The following BTK variants were observed in gnomAD, a reference collection of about 807,000 sequenced individuals.
BTK encodes the protein Bruton tyrosine kinase.
BTK carries 5 observed loss-of-function variants against 57.4 expected under a neutral mutation model. That is an observed-to-expected ratio of 0.09 (90% CI 0.05 to 0.18). The LOEUF is 0.18. BTK is among the 10% of genes least tolerant of loss of function. The probability of loss-of-function intolerance (pLI) is 1.00; values close to 1 mark genes in which losing one functional copy is unlikely to be tolerated. For synonymous variants in BTK, 154 were observed against 174.3 expected (o/e 0.88, Z 0.92); for missense variants, 194 against 501.2 (o/e 0.39, Z 5.85).
chrX:101,369,668 T>C (rs1271369015), intron 5 of BTK, among the ~76,000 whole-genome samples: 1 of 111,645 alleles, frequency 9.0e-6, no homozygotes, highest in Non-Finnish European at 1.9e-5. Context: ...ATATTTTATC[T>C]TTTATTCATA....
chrX:101,363,754 T>C (rs782619625), intron 5 of BTK, among the ~76,000 whole-genome samples: 3 of 106,118 alleles, frequency 2.8e-5, no homozygotes, highest in African/African-American at 1.0e-4. Flanking sequence ...TAGTGTCAGA[T>C]AACTGAGAGA....
In BTK at chrX:101,349,943, C is replaced by T. The variant is rs1926220192; in HGVS notation, c.1922G>A (p.Arg641His). Residue 641 changes from arginine (R) to histidine (H), a missense_variant, in exon 19 of 19, where the codon CGT (arginine) becomes CAT (histidine). Transcript: ENST00000308731. The stretch of plus-strand genomic sequence containing the variant: ...GCTCAGAAGAATTTTGAAAGTGGGA[C>T]GCTCATCTGCTTTCTAAAACCAAAG... ...YSCWHEKADERPTFKILLSNI... is the reference protein window; with the variant it reads ...YSCWHEKADEHPTFKILLSNI... 8.3e-7 allele frequency: 1 copy of T among 1,205,336 alleles called. No homozygotes were observed. The highest frequency in any genetic ancestry group is 1.1e-6 in the Non-Finnish European group (1 of 890,071).
rs781798404 is a variant in BTK at position 101,357,479 on chromosome X, C to A, written c.1177+30G>T. 20 of 1,195,387 alleles carry A rather than the reference C, an allele frequency of 1.7e-5. 1 individual carries two copies. The South Asian group carries it at 3.5e-4, about 21-fold the overall frequency. On this transcript the variant is annotated intron_variant, in intron 13 of 18. Transcript: ENST00000308731. ...AAGGTAGTTTTTGCAACTGGCCAGT[C>A]CACCCTACCCCAGAGAAATAAGGAG...
At chrX:101,374,337 A>C (rs1603019387) in intron 3 of BTK, 199 bp downstream of exon 3, 2 of 449,796 alleles carry the variant, frequency 4.4e-6, no homozygotes, top group East Asian at 7.3e-5. Flanking sequence ...CAAATTTTCC[A>C]TGTTTAGTGA....
At chrX:101,385,358 G>A (rs1007395531) in intron 1 of BTK, among the ~76,000 whole-genome samples, 2 of 112,097 alleles carry the variant, frequency 1.8e-5, no homozygotes, top group Non-Finnish European at 3.8e-5. Flanking sequence ...GGAGGGCAAT[G>A]GTAAGAGGAG....
rs782439521 is a variant in BTK at position 101,383,115 on chromosome X, G to A, written c.-31+2947C>T. 2.7e-5 allele frequency among the ~76,000 whole-genome samples: 3 copies of A among 111,428 alleles called. No individual in the cohort carries two copies. In the East Asian group the frequency reaches 8.4e-4, roughly 31 times the overall value. On this transcript the variant is annotated intron_variant, in intron 1 of 18. Transcript: ENST00000308731. ...ACTCATCCAGAGGCATTAATATATC[G>A]GCATATTCCTTCCATTTTTTTCTGT...
chrX:101,387,657 C>T (rs1257749273), upstream of BTK, among the ~76,000 whole-genome samples: 4 of 110,542 alleles, frequency 3.6e-5, no homozygotes, highest in African/African-American at 1.3e-4. Context: ...CAGCCATCAA[C>T]AGGACTTTAA....
At chrX:101,351,050 C>T (rs1555976975) in intron 18 of BTK, among the ~76,000 whole-genome samples, 1 of 111,884 alleles carries the variant, frequency 8.9e-6, no homozygotes, top group Non-Finnish European at 1.9e-5. Context: ...GGCCAGAGTG[C>T]AGTGGCAGGA....
intron 15 of BTK, among the ~76,000 whole-genome samples, chrX:101,355,407 G>A (rs921358316): frequency 5.4e-5 from 6 of 112,101 alleles, no homozygotes; most frequent in African/African-American, 1.9e-4. Context: ...GAAAGAAACA[G>A]GGGCGCAAAC....
At chrX:101,358,246 A>C in intron 12 of BTK, 64 bp downstream of exon 12, 1 of 1,195,778 alleles carries the variant, frequency 8.4e-7, no homozygotes, top group Non-Finnish European at 1.1e-6. Context: ...TCCTCTTATC[A>C]CCTTGTCCTG....
At chrX:101,357,033 G>A in intron 13 of BTK, 78 bp from the exon 14 acceptor site, 1 of 1,078,104 alleles carries the variant, frequency 9.3e-7, no homozygotes, top group Non-Finnish European at 1.3e-6. Flanking sequence ...CCCTACTGGG[G>A]TAGAAATAGG....
upstream of BTK, chrX:101,390,438 T>A (rs1555983046): frequency 1.9e-6 from 1 of 513,297 alleles, no homozygotes; most frequent in Non-Finnish European, 3.5e-6. Flanking sequence ...AAGTACTTAG[T>A]TCATAATTGC....
chrX:101,352,628 G>A (rs1555977220), intron 18 of BTK, among the ~76,000 whole-genome samples: 1 of 111,940 alleles, frequency 8.9e-6, no homozygotes, highest in Non-Finnish European at 1.9e-5. Context: ...GCCAGGCTCA[G>A]TGGCTCACGC....
chrX:101,358,106 A>G (rs1926547744), intron 12 of BTK: 2 of 569,376 alleles, frequency 3.5e-6, no homozygotes, highest in Admixed American at 4.8e-5. Context: ...ACTGAACATC[A>G]ATCACCAAAT....
chrX:101,349,697 G>T lies in BTK; in HGVS notation c.*188C>A. ...AAATTTCAGGCACAATAATTTCTTG[G>T]CCTTTGCTCAGAAGCCACTATCCCA... On this transcript the variant is annotated 3_prime_UTR_variant, in exon 19 of 19. Transcript: ENST00000308731. The T allele has an allele frequency of 4.5e-6, 2 of 445,912 alleles. No homozygotes were observed. Among genetic ancestry groups the T allele is most frequent in the Non-Finnish European group, 8.0e-6 (2 of 251,034 alleles). The allele number at this position is 445,912 out of a possible 1,213,427, so 36.7% of individuals were successfully genotyped here.
Position 101,353,860 on chromosome X carries a change from A to G in BTK, c.1750+10T>C, listed in dbSNP as rs374131821. On this transcript the variant is annotated intron_variant, in intron 17 of 18. Coordinates refer to ENST00000308731, the MANE Select transcript of BTK (RefSeq NM_000061.3). Reference sequence around the variant, plus strand: ...TGAGCTGTATAATCTGTGTAATCTTATCCACTTACCAAAAGCCCAAATGTC... The same window carrying G: ...TGAGCTGTATAATCTGTGTAATCTTGTCCACTTACCAAAAGCCCAAATGTC... The G allele has an allele frequency of 3.6e-5, 42 of 1,167,392 alleles. No homozygotes were observed. Among genetic ancestry groups the G allele is most frequent in the Non-Finnish European group, 4.9e-5 (42 of 855,961 alleles).
intron 5 of BTK, among the ~76,000 whole-genome samples, chrX:101,365,190 C>T (rs781787661): frequency 1.3e-4 from 15 of 111,691 alleles, no homozygotes; most frequent in African/African-American, 4.9e-4. Flanking sequence ...ACACTCTGGC[C>T]CCTCCCCGCA....
rs1555978381 is a variant in BTK at position 101,360,028 on chromosome X, A to G, written c.839+60T>C. On this transcript the variant is annotated intron_variant, in intron 9 of 18. Transcript: ENST00000308731. ...AATATATATAAATAAATAAATATAT[A>G]TATATATAGAGAGAGAGAGTTCCTC... 23 of 368,991 alleles carry G rather than the reference A, an allele frequency of 6.2e-5. 1 individual carries two copies. Among genetic ancestry groups the G allele is most frequent in the Non-Finnish European group, 4.6e-6 (1 of 218,985 alleles). 30.4% of individuals were successfully genotyped at this position (368,991 alleles called of 1,213,427 possible). A position where few individuals can be genotyped will look rare whatever the true frequency, so the allele number is the denominator to read the frequency against.
intron 1 of BTK, among the ~76,000 whole-genome samples, chrX:101,380,773 G>A (rs180786647): frequency 0.01 from 1,142 of 110,149 alleles, 13 homozygotes; most frequent in Non-Finnish European, 0.018. Context: ...AGCACTTTGG[G>A]AGGCTGAGGC....
Sources: allele counts gnomAD v4.1 joint callset (sites outside exome capture counted in the v4.1 genomes callset), GRCh38; gene constraint gnomAD v4.1.1; transcripts MANE v1.5; gene names NCBI Gene and HGNC (gene_info 2026-07-23, HGNC 2026-07-21).